The following TRIM69 variants were observed in gnomAD, a reference collection of about 807,000 sequenced individuals.
TRIM69 encodes tripartite motif containing 69.
In TRIM69, 29 loss-of-function variants were observed where a neutral mutation model predicts 37.7. That is an observed-to-expected ratio of 0.77 (90% CI 0.57 to 1.05). The LOEUF (loss-of-function observed/expected upper bound fraction) is 1.05. TRIM69 is among the 50% of genes least tolerant of loss of function. The pLI, the probability that TRIM69 is intolerant of heterozygous loss-of-function variation, is 0.00. For missense variants in TRIM69, 596 were observed against 579.9 expected (o/e 1.03, Z -0.28); for synonymous variants, 209 against 212.4 (o/e 0.98, Z 0.14).
Position 44,736,568 on chromosome 15 carries a change from AC to A in TRIM69, c.-136del, listed in dbSNP as rs1418972727. 1.0e-6 allele frequency: 1 copy of A among 972,372 alleles called. No individual in the cohort carries two copies. Among genetic ancestry groups the A allele is most frequent in the African/African-American group, 1.7e-5 (1 of 58,758 alleles). 60.2% of individuals were successfully genotyped at this position (972,372 alleles called of 1,614,324 possible). A position where few individuals can be genotyped will look rare whatever the true frequency, so the allele number is the denominator to read the frequency against. On this transcript the variant is annotated 5_prime_UTR_variant, in exon 1 of 7. Transcript: ENST00000329464. ...CTTGCTGCTTCTCTCCAGCTCCTGA[AC>A]TTTTCTTTCTTCCATCATGCTCTGA...
At chr15:44,758,903 G>T in intron 4 of TRIM69, 49 bp downstream of exon 4, 1 of 1,566,066 alleles carries the variant, frequency 6.4e-7, no homozygotes, top group Non-Finnish European at 8.7e-7. Context: ...ACCTAGAGGG[G>T]GGAAGAGGTT....
At chr15:44,767,084 A>C (rs2087909346) in intron 6 of TRIM69, 147 bp from the exon 7 acceptor site, 1 of 386,862 alleles carries the variant, frequency 2.6e-6, no homozygotes, top group Admixed American at 4.5e-5. Flanking sequence ...AAAAAAAAAA[A>C]GCATATAAGT....
At chr15:44,742,408 A>T (rs1397981260) in intron 1 of TRIM69, among the ~76,000 whole-genome samples, 1 of 143,540 alleles carries the variant, frequency 7.0e-6, no homozygotes, top group Non-Finnish European at 1.5e-5. Flanking sequence ...AAACTGGCAC[A>T]AGACAGGGAT....
At position 44,736,641 on chromosome 15, in the gene TRIM69, C is replaced by A; in HGVS notation, c.-64C>A. 1.3e-6 allele frequency: 2 copies of A among 1,595,076 alleles called. No individual in the cohort carries two copies. Among genetic ancestry groups the A allele is most frequent in the Non-Finnish European group, 1.7e-6 (2 of 1,172,674 alleles). On this transcript the variant is annotated 5_prime_UTR_variant, in exon 1 of 7. Coordinates refer to ENST00000329464, the MANE Select transcript of TRIM69 (RefSeq NM_182985.5). ...AGGTCCCTGACTCCCAGTCTGCAGCCATCCTGGGCCTGCTGAGCTCTGATT... is the reference window on the plus strand; with the variant it reads ...AGGTCCCTGACTCCCAGTCTGCAGCAATCCTGGGCCTGCTGAGCTCTGATT...
At chr15:44,757,804 T>C (rs1374641440) in intron 3 of TRIM69, 1 of 152,120 alleles carries the variant, frequency 6.6e-6, no homozygotes, top group Non-Finnish European at 1.5e-5. Flanking sequence ...CCTCTATAAG[T>C]GTTGGAATTA....
At chr15:44,756,062 T>C (rs142930322) in intron 2 of TRIM69, among the ~76,000 whole-genome samples, 2 of 152,296 alleles carry the variant, frequency 1.3e-5, no homozygotes, top group African/African-American at 4.8e-5. Flanking sequence ...ATAATTCTTT[T>C]TTTTTCTTTG....
At chr15:44,747,486 A>G (rs2087432870) in intron 1 of TRIM69, among the ~76,000 whole-genome samples, 1 of 152,238 alleles carries the variant, frequency 6.6e-6, no homozygotes, top group African/African-American at 2.4e-5. Context: ...ATGGGAGAAA[A>G]TGTCCAAAGC....
chr15:44,767,625 A>G lies in TRIM69; in HGVS notation c.1356A>G (p.Gly452=), dbSNP rs2087929999. ...GCATATACCTGGATTATGAAGGAGG[A>G]CAGTTGTCCTTCTACAATGCTAAAA... ...KVGIYLDYEG[G]QLSFYNAKTM... Residue 452 remains glycine, a synonymous_variant, in exon 7 of 7, where the codon GGA becomes GGG. Coordinates refer to ENST00000329464, the MANE Select transcript of TRIM69 (RefSeq NM_182985.5). The G allele has an allele frequency of 1.2e-6, 2 of 1,614,038 alleles. No individual in the cohort carries two copies. The highest frequency in any genetic ancestry group is 3.3e-5 in the Admixed American group (2 of 60,000).
chr15:44,753,364 C>T (rs1253674943), intron 1 of TRIM69: 3 of 152,086 alleles, frequency 2.0e-5, no homozygotes, highest in Non-Finnish European at 2.9e-5. Context: ...ATGATCTGCC[C>T]ACCTTGGCCT....
At chr15:44,740,401 G>A (rs1197260488) in intron 1 of TRIM69, among the ~76,000 whole-genome samples, 1 of 152,238 alleles carries the variant, frequency 6.6e-6, no homozygotes, top group Non-Finnish European at 1.5e-5. Context: ...GACAAGTTGA[G>A]AGAAGAAGGC....
intron 1 of TRIM69, among the ~76,000 whole-genome samples, chr15:44,736,981 C>T (rs1380019589): frequency 6.6e-6 from 1 of 152,106 alleles, no homozygotes; most frequent in Non-Finnish European, 1.5e-5. Context: ...CTTTCATTAT[C>T]AATGTAATCA....
chr15:44,755,728 T>G (rs770613480), intron 2 of TRIM69, among the ~76,000 whole-genome samples: 4 of 152,200 alleles, frequency 2.6e-5, no homozygotes, highest in Non-Finnish European at 5.9e-5. Flanking sequence ...AGAAGCAATA[T>G]TAAGATAGCC....
At chr15:44,752,858 C>G (rs1190425044) in intron 1 of TRIM69, 2 of 152,114 alleles carry the variant, frequency 1.3e-5, no homozygotes, top group African/African-American at 2.4e-5. Context: ...TTAATGCCAA[C>G]TTAGTTTTAA....
At chr15:44,745,964 G>T (rs1256364142) in intron 1 of TRIM69, among the ~76,000 whole-genome samples, 1 of 152,074 alleles carries the variant, frequency 6.6e-6, no homozygotes, top group African/African-American at 2.4e-5. Flanking sequence ...CAGAAAGAAT[G>T]CTTAAGGAAA....
intron 1 of TRIM69, among the ~76,000 whole-genome samples, chr15:44,743,201 C>G (rs1045101012): frequency 1.3e-5 from 2 of 152,184 alleles, no homozygotes; most frequent in Non-Finnish European, 2.9e-5. Flanking sequence ...CTGAGAAAAA[C>G]AAGCAATGGG....
chr15:44,737,552 T>C (rs2087187440), intron 1 of TRIM69, among the ~76,000 whole-genome samples: 1 of 152,212 alleles, frequency 6.6e-6, no homozygotes, highest in Non-Finnish European at 1.5e-5. Context: ...TGTGTGATAG[T>C]GAGTTTCCCA....
intron 1 of TRIM69, 129 bp downstream of exon 1, chr15:44,736,839 C>A: frequency 2.0e-6 from 2 of 1,020,066 alleles, no homozygotes; most frequent in Non-Finnish European, 2.8e-6. Flanking sequence ...TAACTTGTGA[C>A]AGCTGGTAGC....
chr15:44,737,157 T>G (rs2087179866), intron 1 of TRIM69, among the ~76,000 whole-genome samples: 1 of 152,198 alleles, frequency 6.6e-6, no homozygotes, highest in Non-Finnish European at 1.5e-5. Context: ...GAAGTTATGT[T>G]CTTCTGAACT....
intron 1 of TRIM69, among the ~76,000 whole-genome samples, chr15:44,746,444 T>G (rs2087408929): frequency 6.6e-6 from 1 of 152,188 alleles, no homozygotes; most frequent in African/African-American, 2.4e-5. Context: ...GAACTACCTA[T>G]TTTTGGTTTG....
Sources: gnomAD v4.1 joint callset for allele counts (sites outside exome capture counted in the v4.1 genomes callset) on GRCh38, gnomAD v4.1.1 for gene constraint, MANE v1.5 for transcripts, NCBI Gene and HGNC (gene_info 2026-07-23, HGNC 2026-07-21) for gene names.